PWWP3A: variants seen among roughly 807,000 people sequenced by gnomAD.
PWWP3A encodes the protein PWWP domain-containing DNA repair factor 3A.
In PWWP3A, 53 loss-of-function variants were observed where a neutral mutation model predicts 79.0. The observed-to-expected ratio is 0.67, with a 90% CI of 0.54 to 0.84. The LOEUF is 0.84. PWWP3A is among the 40% of genes least tolerant of loss of function. The pLI is 0.00. For missense variants in PWWP3A, 973 were observed against 948.0 expected, an observed-to-expected ratio of 1.03 and a Z score of -0.35; for synonymous variants, 443 against 394.4, an observed-to-expected ratio of 1.12 and a Z score of -1.46.
rs1600101066 is a variant in PWWP3A at position 1,360,264 on chromosome 19, G to C, written c.343G>C (p.Ala115Pro). Residue 115 changes from alanine (A) to proline (P), a missense_variant, in exon 5 of 14, where the codon GCT becomes CCT. Ala to Pro is a conservative substitution (Grantham distance 27). Transcript: ENST00000591337. This position sits in a 1 kb window ranked among gnomAD's most constrained non-coding sequence, Gnocchi z 4.4. ...SQESSAGTGRADRSLRGKPME... is the reference protein window; with the variant it reads ...SQESSAGTGRPDRSLRGKPME... ...AGAAAGCTCTGCAGGGACAGGTAGAGCTGACCGGTCTCTGCGAGGGAAGCC... is the reference window on the plus strand; with the variant it reads ...AGAAAGCTCTGCAGGGACAGGTAGACCTGACCGGTCTCTGCGAGGGAAGCC... 2 of 1,614,160 alleles carry C rather than the reference G, an allele frequency of 1.2e-6. No individual in the cohort carries two copies. The highest frequency in any genetic ancestry group is 1.7e-6 in the Non-Finnish European group (2 of 1,180,020).
rs768753033 is a variant in PWWP3A, at chr19:1,358,593, G to A, written c.214+129G>A. 23 of 1,587,646 alleles carry A rather than the reference G, an allele frequency of 1.4e-5. No individual in the cohort carries two copies. The East Asian group carries it at 2.3e-4, about 16-fold the overall frequency. On this transcript the variant is annotated intron_variant, in intron 4 of 13. Transcript: ENST00000591337. ...CATGTTTTTCTTCATACAAGGGAAC[G>A]CGAATCCCCTGAGCTGAAGGAGAAG...
chr19:1,364,686 A>G, intron 7 of PWWP3A, 107 bp downstream of exon 7: 1 of 989,184 alleles, frequency 1.0e-6, no homozygotes, highest in Non-Finnish European at 1.5e-6. Flanking sequence ...AAATGTTTTC[A>G]TTGTTTTGTT....
intron 6 of PWWP3A, among the ~76,000 whole-genome samples, chr19:1,363,510 G>A (rs924503248): frequency 4.6e-5 from 7 of 152,176 alleles, no homozygotes; most frequent in African/African-American, 1.2e-4. Context: ...CAGTGCCCTC[G>A]GGAAGGGCCC....
chr19:1,358,597 A>G (rs773647168), intron 4 of PWWP3A, 133 bp downstream of exon 4: 161 of 1,583,118 alleles, frequency 1.0e-4, no homozygotes, highest in Non-Finnish European at 1.6e-5. Flanking sequence ...GGGAACGCGA[A>G]TCCCCTGAGC....
intron 7 of PWWP3A, among the ~76,000 whole-genome samples, chr19:1,365,241 A>G (rs1005266841): frequency 6.6e-6 from 1 of 152,272 alleles, no homozygotes; most frequent in African/African-American, 2.4e-5. Flanking sequence ...GTGTACAAAC[A>G]GGAATTCGAA....
In PWWP3A at chr19:1,360,342, G is replaced by C. The variant is rs779883931; in HGVS notation, c.421G>C (p.Gly141Arg). 3 of 1,614,022 alleles carry C rather than the reference G, an allele frequency of 1.9e-6. No homozygotes were observed. Among genetic ancestry groups the C allele is most frequent in the Non-Finnish European group, 2.5e-6 (3 of 1,180,016 alleles). The change falls in exon 5 of 14, where the codon GGA becomes CGA. Residue 141 changes from glycine (G) to arginine (R), a missense_variant. Transcript: ENST00000591337. The surrounding 1 kb of genome is among the most constrained non-coding windows in gnomAD (Gnocchi z 4.4). ...TTCGAACTCCTCATCTCTTCCCCGC[G>C]GAGACGTGTTGGGCAGTTCCAGACC... ...CDSNSSSLPR[G>R]DVLGSSRPHR... is the part of the protein sequence containing the mutation.
chr19:1,355,501 T>G (rs2081834258), intron 1 of PWWP3A, among the ~76,000 whole-genome samples: 1 of 60,784 alleles, frequency 1.6e-5, no homozygotes, highest in Admixed American at 2.5e-4. Flanking sequence ...AACCGTGAAA[T>G]CCCCCATCCC....
intron 12 of PWWP3A, chr19:1,372,327 G>C (rs1462590111): frequency 6.6e-6 from 1 of 152,262 alleles, no homozygotes; most frequent in Non-Finnish European, 1.5e-5. Context: ...CCACAGGGCC[G>C]AGTGGGAGAG....
In PWWP3A at chr19:1,356,296, A is replaced by C. The variant is rs753793830; in HGVS notation, c.-69-28A>C. The C allele has an allele frequency of 8.9e-6, 11 of 1,230,962 alleles. No homozygotes were observed. In the Admixed American group the frequency reaches 1.9e-4, roughly 21 times the overall value. The allele number at this position is 1,230,962 out of a possible 1,614,324, so 76.3% of individuals were successfully genotyped here. On this transcript the variant is annotated intron_variant, in intron 1 of 13. Coordinates refer to ENST00000591337, the MANE Select transcript of PWWP3A (RefSeq NM_001369789.1). ...GTTAACATCGCCAGCAAACAGTTGT[A>C]TAAACCACCGTGCAAATTTCGTTCC...
chr19:1,361,386 G>A (rs1217202543), intron 5 of PWWP3A, among the ~76,000 whole-genome samples: 2 of 152,216 alleles, frequency 1.3e-5, no homozygotes, highest in African/African-American at 4.8e-5. Context: ...CTCTTTTAAC[G>A]GAAGCAGTAA....
In PWWP3A at chr19:1,377,122, G is replaced by A. The variant is rs1419029033; in HGVS notation, c.*546G>A. 6.5e-6 allele frequency: 1 copy of A among 152,934 alleles called. No homozygotes were observed. The highest frequency in any genetic ancestry group is 2.4e-5 in the African/African-American group (1 of 41,406). The allele number at this position is 152,934 out of a possible 1,614,324, so 9.5% of individuals were successfully genotyped here. ...ACAGCCTTCGTTAGAGGCGGGAGCA[G>A]AGACGAGCCGCTGCTCTGTGTCGTG... On this transcript the variant is annotated 3_prime_UTR_variant, in exon 14 of 14. Coordinates refer to ENST00000591337, the MANE Select transcript of PWWP3A (RefSeq NM_001369789.1).
At position 1,360,863 on chromosome 19, in the gene PWWP3A, G is replaced by T; in HGVS notation, c.942G>T (p.Val314=). ...ATGGCAGCCAAAGGCCGCCTGCCGTGCAGCTGGAGCCCATGGCAGCAGGGG... is the reference window on the plus strand; with the variant it reads ...ATGGCAGCCAAAGGCCGCCTGCCGTTCAGCTGGAGCCCATGGCAGCAGGGG... The part of the protein sequence containing the change: ...RLDGSQRPPA[V]QLEPMAAGAA... Residue 314 remains valine (V), a synonymous_variant, in exon 5 of 14, where the codon GTG becomes GTT. Transcript: ENST00000591337. The surrounding 1 kb of genome is among the most constrained non-coding windows in gnomAD (Gnocchi z 4.4). 1 of 1,546,550 alleles carries T rather than the reference G, an allele frequency of 6.5e-7. No individual in the cohort carries two copies. The highest frequency in any genetic ancestry group is 1.2e-5 in the South Asian group (1 of 83,966).
At position 1,370,668 on chromosome 19, in the gene PWWP3A, C is replaced by G; in HGVS notation, c.1576C>G (p.Gln526Glu). 6.9e-7 allele frequency: 1 copy of G among 1,451,586 alleles called. No individual in the cohort carries two copies. The highest frequency in any genetic ancestry group is 9.1e-7 in the Non-Finnish European group (1 of 1,099,740). The allele number at this position is 1,451,586 out of a possible 1,614,324, so 89.9% of individuals were successfully genotyped here. The stretch of plus-strand genomic sequence containing the variant: ...CTATCCTGTCCGAAAATCCATCCAG[C>G]AGGACGTCTTGGGGACCAAGCTTCC... ...ISYPVRKSIQ[Q>E]DVLGTKLPQL... is the part of the protein sequence containing the mutation. The change falls in exon 12 of 14, where the codon CAG (glutamine) becomes GAG (glutamate). Residue 526 changes from glutamine (Q) to glutamate (E), a missense_variant. Coordinates refer to ENST00000591337, the MANE Select transcript of PWWP3A (RefSeq NM_001369789.1).
At position 1,369,408 on chromosome 19, in the gene PWWP3A, G is replaced by T; in HGVS notation, c.1498+68G>T. ...TCCAGCCTCTGAAGACCCCTTGGAC[G>T]GGCTGGGCCGGAGCTGCCTGGAGGC... On this transcript the variant is annotated intron_variant, in intron 10 of 13. Transcript: ENST00000591337. The surrounding 1 kb of genome is among the most constrained non-coding windows in gnomAD (Gnocchi z 4.0). The T allele has an allele frequency of 6.4e-7, 1 of 1,568,660 alleles. No homozygotes were observed. The highest frequency in any genetic ancestry group is 8.8e-7 in the Non-Finnish European group (1 of 1,141,090).
intron 8 of PWWP3A, among the ~76,000 whole-genome samples, chr19:1,366,830 C>G (rs1315903081): frequency 1.3e-5 from 2 of 152,266 alleles, no homozygotes; most frequent in East Asian, 1.9e-4. Context: ...TTAGAACCAT[C>G]GCATTGCATA....
At position 1,357,130 on chromosome 19, in the gene PWWP3A, C is replaced by T. The variant is rs201577364; in HGVS notation, c.143+36C>T. The T allele has an allele frequency of 1.8e-3, 2,729 of 1,515,762 alleles. 1 individual carries two copies. Among genetic ancestry groups the T allele is most frequent in the Non-Finnish European group, 2.4e-3 (2,599 of 1,105,134 alleles). 93.9% of individuals were successfully genotyped at this position (1,515,762 alleles called of 1,614,324 possible). A position where few individuals can be genotyped will look rare whatever the true frequency, so the allele number is the denominator to read the frequency against. ...GTGTTGTTTTAATACTGTTTTTTCC[C>T]GTGTAGATTTCTGATACTTCAATCC... On this transcript the variant is annotated intron_variant, in intron 3 of 13. Transcript: ENST00000591337.
rs1196127545 is a variant in PWWP3A, at chr19:1,370,627, G to T, written c.1550-15G>T. ...AGCCCACGCGCTGGTCCCACGACAG[G>T]TGCTTCTTTTGCAGGCTATCCTGTC... On this transcript the variant is annotated splice_polypyrimidine_tract_variant and intron_variant, in intron 11 of 13. Coordinates refer to ENST00000591337, the MANE Select transcript of PWWP3A (RefSeq NM_001369789.1). 1.4e-6 allele frequency: 2 copies of T among 1,445,352 alleles called. No individual in the cohort carries two copies. The highest frequency in any genetic ancestry group is 1.8e-6 in the Non-Finnish European group (2 of 1,096,888). 89.5% of individuals were successfully genotyped at this position (1,445,352 alleles called of 1,614,324 possible). A position where few individuals can be genotyped will look rare whatever the true frequency, so the allele number is the denominator to read the frequency against.
chr19:1,355,360 C>G (rs1375405093), intron 1 of PWWP3A, among the ~76,000 whole-genome samples: 2 of 151,860 alleles, frequency 1.3e-5, no homozygotes, highest in African/African-American at 2.4e-5. Context: ...CGGACCCCAT[C>G]TCTTGCTTGG....
rs2082405487 is a variant in PWWP3A, at chr19:1,376,508, G to C, written c.2076-11G>C. On this transcript the variant is annotated splice_polypyrimidine_tract_variant and intron_variant, in intron 13 of 13. Transcript: ENST00000591337. ...ATTAATTACTAAAATGAAGACTCTT[G>C]TTTTCTGAAGGGAAAAAGAAATATT... The C allele has an allele frequency of 1.9e-6, 3 of 1,612,688 alleles. No individual in the cohort carries two copies. The highest frequency in any genetic ancestry group is 1.3e-5 in the African/African-American group (1 of 74,798).
Sources: gnomAD v4.1 joint callset for allele counts (sites outside exome capture counted in the v4.1 genomes callset) on GRCh38, gnomAD v4.1.1 for gene constraint, Gnocchi (gnomAD v3.1) non-coding constraint, MANE v1.5 for transcripts, NCBI Gene and HGNC (gene_info 2026-07-23, HGNC 2026-07-21) for gene names.